HRH4: variants seen among roughly 807,000 people sequenced by gnomAD.
The protein encoded by HRH4 is histamine receptor H4.
In HRH4, 12 loss-of-function variants were observed where a neutral mutation model predicts 10.4. That is an observed-to-expected ratio of 1.15 (90% CI 0.74 to 1.87). The LOEUF (loss-of-function observed/expected upper bound fraction) is 1.87, where lower values mean the gene tolerates loss of function less well. HRH4 is among the 40% of genes most tolerant of loss of function. The pLI is 0.00. For missense variants in HRH4, 415 were observed against 453.3 expected (o/e 0.92, Z 0.77); for synonymous variants, 154 against 166.6 (o/e 0.92, Z 0.58).
chr18:24,475,978 A>G (rs1910122132), intron 2 of HRH4, among the ~76,000 whole-genome samples: 1 of 152,240 alleles, frequency 6.6e-6, no homozygotes, highest in African/African-American at 2.4e-5. Flanking sequence ...ATTGCACTCC[A>G]GCCTGGGTGA....
intron 1 of HRH4, among the ~76,000 whole-genome samples, chr18:24,467,813 G>A (rs1401401481): frequency 1.3e-5 from 2 of 152,136 alleles, no homozygotes. Flanking sequence ...CAGAGGGCTG[G>A]GATTACAGGT....
chr18:24,472,573 G>A (rs1177695029), intron 2 of HRH4, among the ~76,000 whole-genome samples: 1 of 152,152 alleles, frequency 6.6e-6, no homozygotes, highest in Non-Finnish European at 1.5e-5. Flanking sequence ...AAAACAGAAG[G>A]AAGCCTTCAA....
intron 2 of HRH4, among the ~76,000 whole-genome samples, chr18:24,471,766 C>A (rs1909970744): frequency 6.6e-6 from 1 of 152,034 alleles, no homozygotes; most frequent in South Asian, 2.1e-4. Flanking sequence ...TACTTTAGAT[C>A]ACAGTCAAGT....
Position 24,476,843 on chromosome 18 carries a change from C to A in HRH4, c.454C>A (p.Leu152Ile). 1 of 1,614,140 alleles carries A rather than the reference C, an allele frequency of 6.2e-7. No individual in the cohort carries two copies. Among genetic ancestry groups the A allele is most frequent in the Non-Finnish European group, 8.5e-7 (1 of 1,180,014 alleles). ...LAFLVNGPMI[L>I]VSESWKDEGS... The stretch of plus-strand genomic sequence containing the variant: ...CTTCTTAGTGAATGGGCCAATGATT[C>A]TAGTTTCAGAGTCTTGGAAGGATGA... Residue 152 changes from leucine (L) to isoleucine (I), a missense_variant, in exon 3 of 3, where the codon CTA (leucine) becomes ATA (isoleucine). Leu to Ile is a conservative substitution (Grantham distance 5). Transcript: ENST00000256906.
intron 1 of HRH4, among the ~76,000 whole-genome samples, chr18:24,468,501 T>G (rs532217203): frequency 6.6e-6 from 1 of 152,354 alleles, no homozygotes; most frequent in African/African-American, 2.4e-5. Context: ...TGCAGTTTTT[T>G]TCCAAATATT....
chr18:24,467,033 T>C (rs1909796238), intron 1 of HRH4, among the ~76,000 whole-genome samples: 1 of 152,226 alleles, frequency 6.6e-6, no homozygotes, highest in South Asian at 2.1e-4. Context: ...GGTTCTGAAA[T>C]CACAATCCCT....
rs760866060 is a variant in HRH4, at chr18:24,476,982, A to C, written c.593A>C (p.Tyr198Ser). The C allele has an allele frequency of 3.7e-6, 6 of 1,614,074 alleles. No homozygotes were observed. The African/African-American group carries it at 8.0e-5, about 22-fold the overall frequency. ...ILVAYFNMNI[Y>S]WSLWKRDHLS... ...GTCGCTTATTTCAACATGAATATTT[A>C]TTGGAGCCTGTGGAAGCGTGATCAT... is the stretch of plus-strand genomic sequence containing the variant. The change falls in exon 3 of 3, where the codon TAT becomes TCT. Residue 198 changes from tyrosine to serine, a missense_variant. Physicochemically the swap from Tyr to Ser is moderately radical, Grantham distance 144. Transcript: ENST00000256906.
chr18:24,460,758 A>G lies in HRH4; in HGVS notation c.30A>G (p.Leu10=), dbSNP rs762022597. ...CAGATACTAATAGCACAATCAATTT[A>G]TCACTAAGCACTCGTGTTACTTTAG... MPDTNSTIN[L]SLSTRVTLAF... is the part of the protein sequence containing the mutation. Residue 10 remains leucine, a synonymous_variant, in exon 1 of 3, where the codon TTA becomes TTG. Transcript: ENST00000256906. 1.3e-6 allele frequency: 2 copies of G among 1,525,788 alleles called. No homozygotes were observed. Among genetic ancestry groups the G allele is most frequent in the South Asian group, 1.3e-5 (1 of 75,918 alleles). The allele number at this position is 1,525,788 out of a possible 1,614,324, so 94.5% of individuals were successfully genotyped here.
intron 2 of HRH4, among the ~76,000 whole-genome samples, chr18:24,475,224 C>T: frequency 6.6e-6 from 1 of 152,022 alleles, no homozygotes; most frequent in East Asian, 1.9e-4. Context: ...TTAGAATATT[C>T]TTCATCCTTA....
At chr18:24,471,317 T>C (rs570750180) in intron 2 of HRH4, among the ~76,000 whole-genome samples, 1 of 151,422 alleles carries the variant, frequency 6.6e-6, no homozygotes, top group Admixed American at 6.6e-5. Context: ...TGAAACAGAA[T>C]AGAACAGCTG....
intron 1 of HRH4, among the ~76,000 whole-genome samples, chr18:24,461,357 A>G (rs1000872654): frequency 3.3e-5 from 5 of 152,164 alleles, no homozygotes; most frequent in Non-Finnish European, 7.4e-5. Context: ...TATTCAGATC[A>G]ATTAAATAAT....
At chr18:24,474,805 G>T (rs1236615505) in intron 2 of HRH4, among the ~76,000 whole-genome samples, 1 of 151,746 alleles carries the variant, frequency 6.6e-6, no homozygotes, top group African/African-American at 2.4e-5. Context: ...TTGTGCCTCA[G>T]CCTCCCGAGA....
At chr18:24,474,023 G>A (rs184058945) in intron 2 of HRH4, among the ~76,000 whole-genome samples, 2 of 152,244 alleles carry the variant, frequency 1.3e-5, no homozygotes, top group African/African-American at 2.4e-5. Context: ...TATGCTCCCC[G>A]GAGATGCACA....
chr18:24,466,299 T>TC (rs1029152505), intron 1 of HRH4, among the ~76,000 whole-genome samples: 1 of 149,742 alleles, frequency 6.7e-6, no homozygotes, highest in African/African-American at 2.4e-5. Flanking sequence ...TTTTTTTTTT[T>TC]TTTTGTAGAA....
chr18:24,475,186 A>G (rs1482494791), intron 2 of HRH4, among the ~76,000 whole-genome samples: 2 of 152,182 alleles, frequency 1.3e-5, no homozygotes, highest in African/African-American at 2.4e-5. Flanking sequence ...TTTCCTTTAT[A>G]GAAGCCTGTC....
intron 2 of HRH4, among the ~76,000 whole-genome samples, chr18:24,473,027 C>T (rs960025384): frequency 2.6e-5 from 4 of 152,094 alleles, no homozygotes; most frequent in African/African-American, 9.6e-5. Context: ...TGGTGGCGGG[C>T]GCCTGTAATC....
rs747889390 is a variant in HRH4, at chr18:24,476,890, AT to A, written c.508del (p.Ser170ArgfsTer15). The A allele has an allele frequency of 6.2e-7, 1 of 1,613,876 alleles. No individual in the cohort carries two copies. The highest frequency in any genetic ancestry group is 8.5e-7 in the Non-Finnish European group (1 of 1,180,020). ...ATGAAGGTAGTGAATGTGAACCTGG[AT>A]TTTTTTCGGAATGGTACATCCTTGC... ...KDEGSECEPG[F>X]FSEWYILAIT... On this transcript the variant is annotated frameshift_variant, in exon 3 of 3. Transcript: ENST00000256906. LOFTEE classifies it low-confidence loss of function (END_TRUNC).
chr18:24,476,738 T>C lies in HRH4; in HGVS notation c.358-9T>C, dbSNP rs1910140241. 1.3e-6 allele frequency: 2 copies of C among 1,596,634 alleles called. No individual in the cohort carries two copies. The highest frequency in any genetic ancestry group is 1.7e-6 in the Non-Finnish European group (2 of 1,169,374). ...TTCATTATATTGAAAATAATTTGGT[T>C]TCTTCTAGGTGTCTTATAGAACTCA... On this transcript the variant is annotated splice_polypyrimidine_tract_variant and intron_variant, in intron 2 of 2. Transcript: ENST00000256906.
Position 24,477,355 on chromosome 18 carries a change from C to T in HRH4, c.966C>T (p.Phe322=). 6.2e-7 allele frequency: 1 copy of T among 1,613,944 alleles called. No individual in the cohort carries two copies. The highest frequency in any genetic ancestry group is 1.1e-5 in the South Asian group (1 of 91,072). Residue 322 remains phenylalanine (F), a synonymous_variant, in exon 3 of 3, where the codon TTC becomes TTT. Coordinates refer to ENST00000256906, the MANE Select transcript of HRH4 (RefSeq NM_021624.4). ...TTTGCTGGGCTCCATATTCTCTGTT[C>T]ACAATTGTCCTTTCATTTTATTCCT... ...FAVCWAPYSL[F]TIVLSFYSSA... is the part of the protein sequence containing the mutation.
Sources: allele counts gnomAD v4.1 joint callset (sites outside exome capture counted in the v4.1 genomes callset), GRCh38; gene constraint gnomAD v4.1.1; transcripts MANE v1.5; gene names NCBI Gene and HGNC (gene_info 2026-07-23, HGNC 2026-07-21).